The following KCNIP1 variants were observed in gnomAD, a reference collection of about 807,000 sequenced individuals.
KCNIP1 encodes the protein potassium voltage-gated channel interacting protein 1.
KCNIP1 carries 18 observed loss-of-function variants against 33.0 expected under a neutral mutation model. That is an observed-to-expected ratio of 0.55 (90% CI 0.38 to 0.81). The LOEUF (loss-of-function observed/expected upper bound fraction) is 0.81, where lower values mean the gene tolerates loss of function less well. Among genes scored for constraint, KCNIP1 ranks in the 30% least tolerant of loss-of-function variants. KCNIP1 has a pLI of 0.00. For synonymous variants in KCNIP1, 93 were observed against 98.3 expected (o/e 0.95, Z 0.32); for missense variants, 238 against 271.6 (o/e 0.88, Z 0.87).
intron 1 of KCNIP1, among the ~76,000 whole-genome samples, chr5:170,588,362 T>C (rs747881636): frequency 1.6e-4 from 25 of 152,326 alleles, no homozygotes; most frequent in Non-Finnish European, 2.5e-4. Flanking sequence ...GGGCCAGTGC[T>C]CTTTATCTCC....
At chr5:170,367,416 AGAAAG>A (rs1160733421) in intron 1 of KCNIP1, among the ~76,000 whole-genome samples, 6,849 of 119,846 alleles carry the variant, frequency 0.057, 392 homozygotes, top group Middle Eastern at 0.076. Context: ...AAAGAAAGAA[AGAAAG>A]GAAAGAAAGA....
intron 1 of KCNIP1, among the ~76,000 whole-genome samples, chr5:170,531,362 C>T (rs1049619779): frequency 1.3e-5 from 2 of 152,148 alleles, no homozygotes; most frequent in African/African-American, 2.4e-5. Context: ...ATTTCCAATA[C>T]CCTTCTCCAC....
chr5:170,683,138 A>C (rs1161786269), intron 1 of KCNIP1, among the ~76,000 whole-genome samples: 4 of 152,116 alleles, frequency 2.6e-5, no homozygotes, highest in Non-Finnish European at 5.9e-5. Context: ...TATGTTGAGA[A>C]CTGTTTCTGG....
At chr5:170,429,353 T>C (rs1755689582) in intron 1 of KCNIP1, among the ~76,000 whole-genome samples, 1 of 151,092 alleles carries the variant, frequency 6.6e-6, no homozygotes, top group African/African-American at 2.4e-5. Flanking sequence ...TACTTCAGCC[T>C]AGTCTCTCTT....
chr5:170,418,063 C>T (rs1755378930), intron 1 of KCNIP1, among the ~76,000 whole-genome samples: 1 of 152,200 alleles, frequency 6.6e-6, no homozygotes, highest in African/African-American at 2.4e-5. Flanking sequence ...CCTTTCTCCA[C>T]CCCTCCTTTA....
chr5:170,392,756 G>A (rs1182864368), intron 1 of KCNIP1, among the ~76,000 whole-genome samples: 4 of 152,294 alleles, frequency 2.6e-5, no homozygotes, highest in Middle Eastern at 3.4e-3. Flanking sequence ...TCCAGGAGGC[G>A]GAGGTCGCAG....
At chr5:170,718,954 G>A (rs1763725467) in intron 2 of KCNIP1, 72 bp downstream of exon 2, 2 of 1,560,384 alleles carry the variant, frequency 1.3e-6, no homozygotes, top group East Asian at 2.3e-5. Flanking sequence ...CAATGCCAAG[G>A]GAGCTCATAA....
At position 170,489,311 on chromosome 5, in the gene KCNIP1, G is replaced by A. The variant is rs1469358385; in HGVS notation, c.88+135347G>A. Among the ~76,000 whole-genome samples, 1 of 152,236 alleles carries A rather than the reference G, an allele frequency of 6.6e-6. No individual in the cohort carries two copies. The highest frequency in any genetic ancestry group is 1.5e-5 in the Non-Finnish European group (1 of 68,046). On this transcript the variant is annotated intron_variant, in intron 1 of 7. Coordinates refer to the KCNIP1 transcript ENST00000377360. This position sits in a 1 kb window ranked among gnomAD's most constrained non-coding sequence, Gnocchi z 4.3. ...AGAAAGCCATGCTATAGGCAATCAA[G>A]ATTTGCACATTGTCAGCAGAGAAGG...
chr5:170,439,352 T>TGGCA (rs1202849426), intron 1 of KCNIP1, among the ~76,000 whole-genome samples: 1 of 152,350 alleles, frequency 6.6e-6, no homozygotes, highest in African/African-American at 2.4e-5. Context: ...GCAGGCAACC[T>TGGCA]GGCAGGCAGG....
intron 1 of KCNIP1, among the ~76,000 whole-genome samples, chr5:170,388,061 C>T (rs114332931): frequency 0.026 from 3,940 of 152,318 alleles, 107 homozygotes; most frequent in East Asian, 0.11. Flanking sequence ...TGCTATTTGG[C>T]TTCTAGTGCC....
intron 1 of KCNIP1, among the ~76,000 whole-genome samples, chr5:170,482,466 C>T (rs1266441033): frequency 6.6e-6 from 1 of 152,136 alleles, no homozygotes; most frequent in African/African-American, 2.4e-5. Flanking sequence ...TTACAACAGC[C>T]CCATGAAATT....
chr5:170,468,432 T>C lies in KCNIP1; in HGVS notation c.88+114468T>C, dbSNP rs1756654158. Among the ~76,000 whole-genome samples the C allele has an allele frequency of 2.0e-5, 3 of 152,202 alleles. No individual in the cohort carries two copies. In the South Asian group the frequency reaches 6.2e-4, roughly 31 times the overall value. On this transcript the variant is annotated intron_variant, in intron 1 of 7. Transcript: ENST00000377360. ...TAAATAATAAGATTCGTAAGCTGAA[T>C]TTCAAAGCTTATGGAGGAACTTGGG...
At chr5:170,705,993 G>C (rs140823648) in intron 1 of KCNIP1, among the ~76,000 whole-genome samples, 14 of 152,306 alleles carry the variant, frequency 9.2e-5, no homozygotes, top group Admixed American at 2.6e-4. Flanking sequence ...GCTTGAATTA[G>C]TCTAATAACC....
chr5:170,692,718 G>A (rs1414666211), intron 1 of KCNIP1, among the ~76,000 whole-genome samples: 1 of 152,166 alleles, frequency 6.6e-6, no homozygotes, highest in Non-Finnish European at 1.5e-5. Flanking sequence ...TACATAGTAG[G>A]TATTCAATAA....
chr5:170,552,957 T>G (rs1756707375), intron 1 of KCNIP1, among the ~76,000 whole-genome samples: 1 of 152,212 alleles, frequency 6.6e-6, no homozygotes, highest in African/African-American at 2.4e-5. Flanking sequence ...CAGCCAGCCT[T>G]GGAGGGCTCC....
At chr5:170,547,506 T>C (rs569691675) in intron 1 of KCNIP1, among the ~76,000 whole-genome samples, 16 of 152,334 alleles carry the variant, frequency 1.1e-4, no homozygotes, top group Non-Finnish European at 1.9e-4. Flanking sequence ...CCATTAGTTA[T>C]TTTTCCTGAT....
At chr5:170,454,603 T>A (rs1756330981) in intron 1 of KCNIP1, among the ~76,000 whole-genome samples, 1 of 152,204 alleles carries the variant, frequency 6.6e-6, no homozygotes, top group African/African-American at 2.4e-5. Context: ...TTCCTGATGA[T>A]CATATGAAAA....
At chr5:170,354,027 T>C (rs1763281165) in intron 1 of KCNIP1, 1 of 1,442,156 alleles carries the variant, frequency 6.9e-7, no homozygotes, top group Non-Finnish European at 9.8e-7. Flanking sequence ...TCGCATTGCC[T>C]CGGTGTGGTG....
intron 1 of KCNIP1, among the ~76,000 whole-genome samples, chr5:170,570,483 A>G (rs553146178): frequency 6.5e-4 from 99 of 152,104 alleles, no homozygotes; most frequent in African/African-American, 2.2e-3. Context: ...TAGGCACTTG[A>G]GAAGGCTGAA....
Sources: allele counts gnomAD v4.1 joint callset (sites outside exome capture counted in the v4.1 genomes callset), GRCh38; gene constraint gnomAD v4.1.1; non-coding constraint Gnocchi (gnomAD v3.1); transcripts MANE v1.5; gene names NCBI Gene and HGNC (gene_info 2026-07-23, HGNC 2026-07-21).